FAM91A1: variants seen among roughly 807,000 people sequenced by gnomAD.
FAM91A1 encodes the protein protein FAM91A1.
A neutral mutation model predicts 113.5 loss-of-function variants in FAM91A1; 41 were observed. The ratio of observed to expected loss-of-function variants is 0.36; its 90% CI spans 0.28 to 0.47. FAM91A1 has a LOEUF of 0.47. FAM91A1 is among the 20% of genes least tolerant of loss of function. The pLI, the probability that FAM91A1 is intolerant of heterozygous loss-of-function variation, is 1.00. For synonymous variants in FAM91A1, 307 were observed against 347.9 expected (o/e 0.88, Z 1.31); for missense variants, 696 against 1,001.2 (o/e 0.70, Z 4.11).
chr8:123,786,084 G>A (rs1042161284), intron 11 of FAM91A1: 6 of 329,586 alleles, frequency 1.8e-5, no homozygotes, highest in Non-Finnish European at 3.0e-5. Flanking sequence ...CTTCCAAAGT[G>A]TTGGGATTGC....
In FAM91A1 at chr8:123,768,676, C is replaced by G. The variant is rs749018169; in HGVS notation, c.-27C>G. ...CGTAGTGTGGGTCGCGGTGGCGGCC[C>G]CGGCCGCCGGCCCTGGCCGCGGCAT... On this transcript the variant is annotated 5_prime_UTR_variant, in exon 1 of 24. Transcript: ENST00000334705. 1.4e-6 allele frequency: 2 copies of G among 1,460,994 alleles called. No homozygotes were observed. Among genetic ancestry groups the G allele is most frequent in the East Asian group, 2.9e-5 (1 of 34,828 alleles). 90.5% of individuals were successfully genotyped at this position (1,460,994 alleles called of 1,614,324 possible). A position where few individuals can be genotyped will look rare whatever the true frequency, so the allele number is the denominator to read the frequency against.
rs76332623 is a variant in FAM91A1 at position 123,782,755 on chromosome 8, A to C, written c.704-1715A>C. Among the ~76,000 whole-genome samples the C allele has an allele frequency of 1.3e-3, 196 of 152,290 alleles. 2 individuals carry two copies. The East Asian group carries it at 0.033, about 26-fold the overall frequency. On this transcript the variant is annotated intron_variant, in intron 8 of 23. Transcript: ENST00000334705. ...TTGGATAACCAATAGCATTTGGACA[A>C]ATGCTAGCACTGTTTCAAATTTCTT...
At chr8:123,795,353 C>G (rs999009610) in intron 15 of FAM91A1, among the ~76,000 whole-genome samples, 1 of 152,054 alleles carries the variant, frequency 6.6e-6, no homozygotes, top group Non-Finnish European at 1.5e-5. Context: ...ATCATGGGGG[C>G]AGTTTCTCAT....
At chr8:123,772,357 A>G (rs1040507153) in intron 1 of FAM91A1, among the ~76,000 whole-genome samples, 1 of 152,196 alleles carries the variant, frequency 6.6e-6, no homozygotes, top group Non-Finnish European at 1.5e-5. Context: ...TCCCTGAGAA[A>G]GAGACTTTTA....
chr8:123,809,763 A>G (rs575625676), intron 22 of FAM91A1, among the ~76,000 whole-genome samples: 6 of 152,220 alleles, frequency 3.9e-5, no homozygotes, highest in African/African-American at 1.2e-4. Context: ...TTCAACATCT[A>G]TTCTCTAAAA....
At chr8:123,808,517 A>G (rs1224935196) in intron 21 of FAM91A1, 141 bp downstream of exon 21, 2 of 544,404 alleles carry the variant, frequency 3.7e-6, no homozygotes, top group East Asian at 6.2e-5. Context: ...GCCTTTTTAC[A>G]TACTTAGAAA....
chr8:123,804,938 T>C (rs1474448569), intron 18 of FAM91A1, among the ~76,000 whole-genome samples: 1 of 152,224 alleles, frequency 6.6e-6, no homozygotes, highest in Admixed American at 6.5e-5. Flanking sequence ...CCACCACTTT[T>C]CCCTCTCAGA....
At chr8:123,802,704 G>A (rs925341069) in intron 18 of FAM91A1, among the ~76,000 whole-genome samples, 1 of 152,164 alleles carries the variant, frequency 6.6e-6, no homozygotes, top group Non-Finnish European at 1.5e-5. Flanking sequence ...TATAGTATGG[G>A]GTGGTCGTGG....
At position 123,787,339 on chromosome 8, in the gene FAM91A1, T is replaced by G; in HGVS notation, c.1157T>G (p.Leu386Arg). ...ATCGCATTCCTGTTTGACTCCACTC[T>G]TACTGCCTTCTTAATGATGGGAAAT... ...KRIAFLFDST[L>R]TAFLMMGNLS... The change falls in exon 13 of 24, where the codon CTT becomes CGT. Residue 386 changes from leucine to arginine, a missense_variant. Transcript: ENST00000334705. 2 of 1,611,778 alleles carry G rather than the reference T, an allele frequency of 1.2e-6. No homozygotes were observed.
intron 15 of FAM91A1, among the ~76,000 whole-genome samples, chr8:123,795,361 C>T (rs1815486931): frequency 6.6e-6 from 1 of 152,230 alleles, no homozygotes; most frequent in South Asian, 2.1e-4. Context: ...GGCAGTTTCT[C>T]ATGGTTTAAC....
Position 123,812,667 on chromosome 8 carries a change from C to A in FAM91A1, c.2480C>A (p.Pro827His). ...TTATCAGAATGGAGTGGACGGTCACCTTCCTCACTTCTTATTGCTAATCTC... is the reference window on the plus strand; with the variant it reads ...TTATCAGAATGGAGTGGACGGTCACATTCCTCACTTCTTATTGCTAATCTC... ...GVLSEWSGRS[P>H]SSLLIANLHL... The change falls in exon 24 of 24, where the codon CCT becomes CAT. Residue 827 changes from proline (P) to histidine (H), a missense_variant. Physicochemically the swap from Pro to His is moderately conservative, Grantham distance 77. Transcript: ENST00000334705. 6.3e-7 allele frequency: 1 copy of A among 1,595,788 alleles called. No homozygotes were observed. Among genetic ancestry groups the A allele is most frequent in the Admixed American group, 1.8e-5 (1 of 55,798 alleles).
intron 22 of FAM91A1, among the ~76,000 whole-genome samples, chr8:123,809,732 G>A (rs1815905209): frequency 6.6e-6 from 1 of 152,160 alleles, no homozygotes; most frequent in Non-Finnish European, 1.5e-5. Context: ...ATCAGAAAAT[G>A]AAGAGTACTC....
At chr8:123,810,715 A>G (rs1586399282) in intron 23 of FAM91A1, 1 of 275,256 alleles carries the variant, frequency 3.6e-6, no homozygotes, top group South Asian at 5.3e-5. Flanking sequence ...AGCGAAGGCC[A>G]GTGCTCTGGA....
intron 1 of FAM91A1, among the ~76,000 whole-genome samples, chr8:123,770,098 G>T (rs1023317933): frequency 6.6e-6 from 1 of 152,020 alleles, no homozygotes; most frequent in African/African-American, 2.4e-5. Context: ...TACTACAGGT[G>T]CGCGCCACCA....
chr8:123,786,625 A>C lies in FAM91A1; in HGVS notation c.1078+15A>C, dbSNP rs776996412. ...AGAAGATCCAGGTTAGCAGTAACTCAGTTTAACATAGAGTCTGTCTGTAGG... is the reference window on the plus strand; with the variant it reads ...AGAAGATCCAGGTTAGCAGTAACTCCGTTTAACATAGAGTCTGTCTGTAGG... On this transcript the variant is annotated intron_variant, in intron 12 of 23. Transcript: ENST00000334705. 8.9e-6 allele frequency: 14 copies of C among 1,579,684 alleles called. No individual in the cohort carries two copies. The highest frequency in any genetic ancestry group is 1.7e-4 in the Middle Eastern group (1 of 6,004).
At chr8:123,770,397 A>G (rs1452577498) in intron 1 of FAM91A1, among the ~76,000 whole-genome samples, 1 of 152,258 alleles carries the variant, frequency 6.6e-6, no homozygotes, top group Non-Finnish European at 1.5e-5. Flanking sequence ...CGAGAAAGAT[A>G]AATTTAAAGA....
At chr8:123,800,491 G>A (rs62519928) in intron 18 of FAM91A1, among the ~76,000 whole-genome samples, 3,501 of 152,136 alleles carry the variant, frequency 0.023, 66 homozygotes, top group Non-Finnish European at 0.033. Flanking sequence ...CACATAAAAG[G>A]GGACTATTGT....
At chr8:123,812,405 C>T in intron 23 of FAM91A1, 114 bp from the exon 24 acceptor site, 127 of 693,758 alleles carry the variant, frequency 1.8e-4, no homozygotes, top group South Asian at 9.2e-4. Context: ...TCCTGTACTG[C>T]TTTGCAATCC....
chr8:123,781,302 G>A (rs1815113939), intron 8 of FAM91A1, among the ~76,000 whole-genome samples: 1 of 152,062 alleles, frequency 6.6e-6, no homozygotes, highest in African/African-American at 2.4e-5. Context: ...AAAAATTTCA[G>A]AGAATGACCC....
Sources: allele counts gnomAD v4.1 joint callset (sites outside exome capture counted in the v4.1 genomes callset), GRCh38; gene constraint gnomAD v4.1.1; transcripts MANE v1.5; gene names NCBI Gene and HGNC (gene_info 2026-07-23, HGNC 2026-07-21).